Variants in EPS8 observed in about 807,000 individuals in gnomAD.
EPS8 encodes the protein epidermal growth factor receptor kinase substrate 8.
EPS8 carries 42 observed loss-of-function variants against 103.8 expected under a neutral mutation model. The ratio of observed to expected loss-of-function variants is 0.40; its 90% CI spans 0.32 to 0.52. The LOEUF (loss-of-function observed/expected upper bound fraction) is 0.52. Ranked by LOEUF, EPS8 falls within the 20% of genes least tolerant of loss-of-function variation. The probability of loss-of-function intolerance (pLI) is 0.40; values close to 1 mark genes in which losing one functional copy is unlikely to be tolerated. For missense variants in EPS8, 969 were observed against 1,005.1 expected (o/e 0.96, Z 0.49); for synonymous variants, 344 against 344.6 (o/e 1.00, Z 0.02).
Position 15,769,777 on chromosome 12 carries a change from T to C in EPS8, c.-22+19384A>G, listed in dbSNP as rs191556341. 1.6e-3 allele frequency among the ~76,000 whole-genome samples: 250 copies of C among 152,248 alleles called. 1 individual carries two copies. The highest frequency in any genetic ancestry group is 4.3e-3 in the African/African-American group (180 of 41,556). On this transcript the variant is annotated intron_variant, in intron 1 of 20. Transcript: ENST00000281172. The surrounding 1 kb of genome is among the most constrained non-coding windows in gnomAD (Gnocchi z 4.6). ...GAATCTGATCACAGAGCAAAATAAA[T>C]TGGACACAGTACAAAAATTTCCTGA...
rs188271358 is a variant in EPS8, at chr12:15,704,905, C to G, written c.-21-21933G>C. Among the ~76,000 whole-genome samples, 1 of 152,058 alleles carries G rather than the reference C, an allele frequency of 6.6e-6. No homozygotes were observed. The highest frequency in any genetic ancestry group is 6.6e-5 in the Admixed American group (1 of 15,258). ...ATTAACAATTTCCTTGGCATGCGTG[C>G]GCATGCACACACACACACAAAAAAC... On this transcript the variant is annotated intron_variant, in intron 1 of 20. Coordinates refer to ENST00000281172, the MANE Select transcript of EPS8 (RefSeq NM_004447.6). This position sits in a 1 kb window ranked among gnomAD's most constrained non-coding sequence, Gnocchi z 4.6.
In EPS8 at chr12:15,780,401, A is replaced by G. The variant is rs1323651598; in HGVS notation, c.-22+8760T>C. On this transcript the variant is annotated intron_variant, in intron 1 of 20. Transcript: ENST00000281172. The surrounding 1 kb of genome is among the most constrained non-coding windows in gnomAD (Gnocchi z 4.1). ...CTCAAAAATTCATTCTATGAGACTC[A>G]AACATCACCTTCCCCAGTAAAGACT... Among the ~76,000 whole-genome samples, 1 of 151,236 alleles carries G rather than the reference A, an allele frequency of 6.6e-6. No individual in the cohort carries two copies. The highest frequency in any genetic ancestry group is 2.4e-5 in the African/African-American group (1 of 41,164).
chr12:15,671,515 A>T (rs2135854213), intron 3 of EPS8, among the ~76,000 whole-genome samples: 1 of 152,262 alleles, frequency 6.6e-6, no homozygotes, highest in Middle Eastern at 3.4e-3. Context: ...TAGAATTATA[A>T]ATATAAGCTG....
rs1947249335 is a variant in EPS8, at chr12:15,780,481, A to ACACACACACAC, written c.-22+8679_-22+8680insGTGTGTGTGTG. 4.3e-5 allele frequency: 5 copies of ACACACACACAC among 117,474 alleles called. No homozygotes were observed. The South Asian group carries it at 1.8e-3, about 41-fold the overall frequency. The allele number at this position is 117,474 out of a possible 1,614,324, so 7.3% of individuals were successfully genotyped here. On this transcript the variant is annotated intron_variant, in intron 1 of 20. Transcript: ENST00000281172. This position sits in a 1 kb window ranked among gnomAD's most constrained non-coding sequence, Gnocchi z 4.1. ...CTCCTTTCTGCTATGTGCTGGGATA[A>ACACACACACAC]ACACACACACACACACACACACACA...
chr12:15,629,318 G>A (rs968015776), intron 18 of EPS8, among the ~76,000 whole-genome samples: 20 of 152,124 alleles, frequency 1.3e-4, no homozygotes, highest in African/African-American at 4.6e-4. Context: ...ACTGGAGGCC[G>A]ATGAACTTTG....
At chr12:15,661,118 T>C (rs1945598149) in intron 9 of EPS8, among the ~76,000 whole-genome samples, 2 of 152,200 alleles carry the variant, frequency 1.3e-5, no homozygotes, top group African/African-American at 4.8e-5. Flanking sequence ...AATAAAGCAC[T>C]GACAATATTA....
chr12:15,713,858 C>T lies in EPS8; in HGVS notation c.-21-30886G>A, dbSNP rs148339884. On this transcript the variant is annotated intron_variant, in intron 1 of 20. Transcript: ENST00000281172. The surrounding 1 kb of genome is among the most constrained non-coding windows in gnomAD (Gnocchi z 4.8). ...GAGGACAGGGGAAATGCTATAAATG[C>T]TATAAGAAATTAAAATCCTAAACCT... 5.5e-3 allele frequency among the ~76,000 whole-genome samples: 836 copies of T among 152,240 alleles called. 4 individuals carry two copies. The highest frequency in any genetic ancestry group is 0.011 in the Admixed American group (161 of 15,300).
At chr12:15,647,364 T>C (rs765587672) in intron 14 of EPS8, 104 bp from the exon 15 acceptor site, 1 of 1,010,812 alleles carries the variant, frequency 9.9e-7, no homozygotes, top group Non-Finnish European at 1.4e-6. Context: ...TAAGTTTTCA[T>C]TTTCAAGTGA....
chr12:15,654,064 G>C, intron 13 of EPS8, 81 bp downstream of exon 13: 5 of 1,340,664 alleles, frequency 3.7e-6, no homozygotes, highest in Non-Finnish European at 4.2e-6. Flanking sequence ...TTCGTATGTA[G>C]AAGGTTAAAT....
intron 1 of EPS8, among the ~76,000 whole-genome samples, chr12:15,743,670 C>T (rs1429736175): frequency 1.3e-5 from 2 of 152,124 alleles, no homozygotes; most frequent in Non-Finnish European, 2.9e-5. Context: ...GAAAGGATTC[C>T]CTATTTAATA....
intron 1 of EPS8, among the ~76,000 whole-genome samples, chr12:15,730,792 G>A (rs1320650312): frequency 2.0e-5 from 3 of 151,930 alleles, no homozygotes; most frequent in Non-Finnish European, 1.5e-5. Flanking sequence ...GGTTCCTTAA[G>A]AGAGTCTCCC....
In EPS8 at chr12:15,717,659, G is replaced by C. The variant is rs1946547618; in HGVS notation, c.-21-34687C>G. 6.6e-6 allele frequency among the ~76,000 whole-genome samples: 1 copy of C among 152,058 alleles called. No individual in the cohort carries two copies. The highest frequency in any genetic ancestry group is 1.5e-5 in the Non-Finnish European group (1 of 68,010). The stretch of plus-strand genomic sequence containing the variant: ...TTGGCATGAATAAATATAAATAGCA[G>C]GACCAATATTATACGTTCTTTCCAG... On this transcript the variant is annotated intron_variant, in intron 1 of 20. Transcript: ENST00000281172. The surrounding 1 kb of genome is among the most constrained non-coding windows in gnomAD (Gnocchi z 4.3).
At chr12:15,662,233 A>T in intron 8 of EPS8, 134 bp from the exon 9 acceptor site, 1 of 1,504,008 alleles carries the variant, frequency 6.6e-7, no homozygotes, top group Non-Finnish European at 8.8e-7. Context: ...ACACAAGTCA[A>T]AACTGTGCTC....
chr12:15,728,194 AAC>A lies in EPS8; in HGVS notation c.-21-45224_-21-45223del, dbSNP rs1264310036. Reference sequence around the variant, plus strand: ...TAGTCGACTGGTATTATAGAAAGAAAACACAAGTGACCTAATCCAGAAGAATC... The same window carrying A: ...TAGTCGACTGGTATTATAGAAAGAAAACAAGTGACCTAATCCAGAAGAATC... On this transcript the variant is annotated intron_variant, in intron 1 of 20. Coordinates refer to ENST00000281172, the MANE Select transcript of EPS8 (RefSeq NM_004447.6). This position sits in a 1 kb window ranked among gnomAD's most constrained non-coding sequence, Gnocchi z 4.5. 6.6e-6 allele frequency: 1 copy of A among 152,230 alleles called. No homozygotes were observed. The highest frequency in any genetic ancestry group is 1.5e-5 in the Non-Finnish European group (1 of 68,038). The allele number at this position is 152,230 out of a possible 1,614,324, so 9.4% of individuals were successfully genotyped here.
rs539837530 is a variant in EPS8, at chr12:15,693,880, C to G, written c.-21-10908G>C. Among the ~76,000 whole-genome samples, 80 of 152,030 alleles carry G rather than the reference C, an allele frequency of 5.3e-4. No homozygotes were observed. The highest frequency in any genetic ancestry group is 8.3e-4 in the South Asian group (4 of 4,822). Reference sequence around the variant, plus strand: ...ACACAGGGAGGGGAAAAAATACACACCAAGGCCTGTCAGATGGAGGTGGGG... The same window carrying G: ...ACACAGGGAGGGGAAAAAATACACAGCAAGGCCTGTCAGATGGAGGTGGGG... On this transcript the variant is annotated intron_variant, in intron 1 of 20. Coordinates refer to ENST00000281172, the MANE Select transcript of EPS8 (RefSeq NM_004447.6). The surrounding 1 kb of genome is among the most constrained non-coding windows in gnomAD (Gnocchi z 5.6).
At position 15,751,218 on chromosome 12, in the gene EPS8, CGTA is replaced by C. The variant is rs1343229257; in HGVS notation, c.-22+37940_-22+37942del. ...ACTAAAAATATAAAAATTAGCCACA[CGTA>C]GTGGTGTGTGCCTGTAATCCCAGCT... On this transcript the variant is annotated intron_variant, in intron 1 of 20. Transcript: ENST00000281172. The surrounding 1 kb of genome is among the most constrained non-coding windows in gnomAD (Gnocchi z 4.3). Among the ~76,000 whole-genome samples, 1 of 152,020 alleles carries C rather than the reference CGTA, an allele frequency of 6.6e-6. No individual in the cohort carries two copies. Among genetic ancestry groups the C allele is most frequent in the Non-Finnish European group, 1.5e-5 (1 of 68,016 alleles).
intron 8 of EPS8, among the ~76,000 whole-genome samples, chr12:15,664,832 T>G (rs545798857): frequency 6.6e-5 from 10 of 152,326 alleles, no homozygotes; most frequent in Admixed American, 5.9e-4. Flanking sequence ...GTCCTTAAAA[T>G]GAAGATACTA....
chr12:15,630,504 T>G (rs1476564392), intron 18 of EPS8, among the ~76,000 whole-genome samples: 1 of 152,226 alleles, frequency 6.6e-6, no homozygotes, highest in Non-Finnish European at 1.5e-5. Context: ...TAGTGTCTTT[T>G]TAGTTTACTT....
intron 6 of EPS8, among the ~76,000 whole-genome samples, chr12:15,666,953 T>TAAAAA (rs1945723687): frequency 6.6e-6 from 1 of 152,214 alleles, no homozygotes; most frequent in Non-Finnish European, 1.5e-5. Context: ...AAGGCAAATC[T>TAAAAA]ACTACACCCA....
Sources: gnomAD v4.1 joint callset for allele counts (sites outside exome capture counted in the v4.1 genomes callset) on GRCh38, gnomAD v4.1.1 for gene constraint, Gnocchi (gnomAD v3.1) non-coding constraint, MANE v1.5 for transcripts, NCBI Gene and HGNC (gene_info 2026-07-23, HGNC 2026-07-21) for gene names.